MICALL1: variants seen among roughly 807,000 people sequenced by gnomAD.
MICALL1 encodes the protein MICAL-like protein 1.
In MICALL1, 61 loss-of-function variants were observed where a neutral mutation model predicts 83.7. The observed-to-expected ratio is 0.73, with a 90% CI of 0.59 to 0.90. The LOEUF is 0.90. Among genes scored for constraint, MICALL1 ranks in the 40% least tolerant of loss-of-function variants. The probability of loss-of-function intolerance (pLI) is 0.00; values close to 1 mark genes in which losing one functional copy is unlikely to be tolerated. For synonymous variants in MICALL1, 481 were observed against 473.6 expected, an observed-to-expected ratio of 1.02 and a Z score of -0.20; for missense variants, 1,066 against 1,152.0, an observed-to-expected ratio of 0.93 and a Z score of 1.08.
intron 3 of MICALL1, among the ~76,000 whole-genome samples, chr22:37,915,748 C>T (rs778266707): frequency 5.3e-5 from 8 of 150,634 alleles, no homozygotes; most frequent in African/African-American, 2.0e-4. Context: ...CATGTTCAAG[C>T]GATTCTCATG....
intron 13 of MICALL1, among the ~76,000 whole-genome samples, chr22:37,933,359 C>G (rs941941070): frequency 2.6e-5 from 4 of 152,040 alleles, no homozygotes; most frequent in Non-Finnish European, 5.9e-5. Flanking sequence ...TGTGGACGTC[C>G]GAGGGACCAG....
chr22:37,913,415 C>T (rs530634079), intron 3 of MICALL1, among the ~76,000 whole-genome samples: 4 of 152,182 alleles, frequency 2.6e-5, no homozygotes, highest in Non-Finnish European at 5.9e-5. Context: ...CAGCAGGTTG[C>T]GTTCATCCGC....
chr22:37,929,391 T>C (rs1929667104), intron 9 of MICALL1, among the ~76,000 whole-genome samples: 1 of 152,134 alleles, frequency 6.6e-6, no homozygotes, highest in Admixed American at 6.5e-5. Flanking sequence ...GGTGCTATAA[T>C]GTACATGCTG....
At chr22:37,907,208 CCCT>C (rs1182431719) in intron 1 of MICALL1, 2 of 152,752 alleles carry the variant, frequency 1.3e-5, no homozygotes, top group Admixed American at 6.5e-5. Context: ...GGCCCTGCAG[CCCT>C]CCTCAGTGGG....
rs372748591 is a variant in MICALL1 at position 37,937,110 on chromosome 22, G to A, written c.2339G>A (p.Arg780Gln). 63 of 1,551,630 alleles carry A rather than the reference G, an allele frequency of 4.1e-5. No homozygotes were observed. Among genetic ancestry groups the A allele is most frequent in the Middle Eastern group, 3.3e-4 (2 of 5,990 alleles). Reference protein sequence around the residue: ...EKDWTEEDRAREKVLMQELVT... With the variant: ...EKDWTEEDRAQEKVLMQELVT... ...GACTGGACGGAGGAGGACCGGGCCC[G>A]GGAGAAGGTGCTGATGCAGGAGCTT... Residue 780 changes from arginine (R) to glutamine (Q), a missense_variant, in exon 14 of 16, where the codon CGG becomes CAG. By Grantham distance (43) the Arg-to-Gln change is conservative. Coordinates refer to ENST00000215957, the MANE Select transcript of MICALL1 (RefSeq NM_033386.4).
chr22:37,927,630 C>T lies in MICALL1; in HGVS notation c.1685C>T (p.Ser562Phe). The T allele has an allele frequency of 6.2e-7, 1 of 1,614,160 alleles. No homozygotes were observed. Among genetic ancestry groups the T allele is most frequent in the Non-Finnish European group, 8.5e-7 (1 of 1,179,998 alleles). Residue 562 changes from serine (S) to phenylalanine (F), a missense_variant, in exon 9 of 16, where the codon TCC (serine) becomes TTC (phenylalanine). Ser to Phe is a radical substitution (Grantham distance 155, BLOSUM62 -2). Transcript: ENST00000215957. ...CTCTCTACCAACTCCTCCCTGGCCT[C>T]CTCTGGGGAACTAGTGGAGCCTAGA... ...VSLSTNSSLASSGELVEPRVE... is the reference protein window; with the variant it reads ...VSLSTNSSLAFSGELVEPRVE...
chr22:37,934,247 C>T (rs113724542), intron 13 of MICALL1, among the ~76,000 whole-genome samples: 3 of 152,168 alleles, frequency 2.0e-5, no homozygotes, highest in African/African-American at 7.2e-5. Flanking sequence ...TATGAGGCTC[C>T]GAGTACAGTA....
chr22:37,917,161 T>C (rs536403802), intron 3 of MICALL1, among the ~76,000 whole-genome samples: 3 of 152,114 alleles, frequency 2.0e-5, no homozygotes, highest in Non-Finnish European at 4.4e-5. Flanking sequence ...CGTGAGCCAC[T>C]GTGCCCGGCC....
Position 37,930,485 on chromosome 22 carries a change from G to T in MICALL1, c.1882-1314G>T, listed in dbSNP as rs1230506336. On this transcript the variant is annotated intron_variant, in intron 9 of 15. Transcript: ENST00000215957. The surrounding 1 kb of genome is among the most constrained non-coding windows in gnomAD (Gnocchi z 4.8). ...AGCCTCTCTCCCTGGGCTGGCACAG[G>T]CCTCCACCTGCTCCGCAGCTGCCGA... Among the ~76,000 whole-genome samples, 1 of 152,230 alleles carries T rather than the reference G, an allele frequency of 6.6e-6. No individual in the cohort carries two copies. The highest frequency in any genetic ancestry group is 1.5e-5 in the Non-Finnish European group (1 of 68,042).
At chr22:37,931,752 G>A (rs375705432) in intron 9 of MICALL1, 47 bp from the exon 10 acceptor site, 49 of 1,608,974 alleles carry the variant, frequency 3.0e-5, no homozygotes, top group South Asian at 9.9e-5. Context: ...GGGGTCTCAC[G>A]TGCCCTCTTC....
intron 15 of MICALL1, among the ~76,000 whole-genome samples, chr22:37,938,040 T>A (rs1012661856): frequency 1.3e-5 from 2 of 151,990 alleles, no homozygotes; most frequent in Admixed American, 6.6e-5. Context: ...ACGACTGTGG[T>A]ATATGGGAGG....
rs1002322264 is a variant in MICALL1, at chr22:37,924,234, G to A, written c.1025-426G>A. Among the ~76,000 whole-genome samples, 2 of 152,180 alleles carry A rather than the reference G, an allele frequency of 1.3e-5. No individual in the cohort carries two copies. The highest frequency in any genetic ancestry group is 2.9e-5 in the Non-Finnish European group (2 of 68,040). On this transcript the variant is annotated intron_variant, in intron 6 of 15. Transcript: ENST00000215957. This position sits in a 1 kb window ranked among gnomAD's most constrained non-coding sequence, Gnocchi z 5.2. ...CCTTCAGGGTGCTCCCAGTGTTGAGGTGGAGACAGGCACAGATGCAAGGGT... is the reference window on the plus strand; with the variant it reads ...CCTTCAGGGTGCTCCCAGTGTTGAGATGGAGACAGGCACAGATGCAAGGGT...
chr22:37,907,222 G>T, intron 1 of MICALL1: 1 of 152,506 alleles, frequency 6.6e-6, no homozygotes. Context: ...CCTCAGTGGG[G>T]CACGCAGGTG....
intron 14 of MICALL1, among the ~76,000 whole-genome samples, chr22:37,937,418 CTTTTTTTTT>C (rs34844677): frequency 1.8e-5 from 2 of 113,404 alleles, no homozygotes; most frequent in Non-Finnish European, 3.6e-5. Context: ...GCTGCCGCTG[CTTTTTTTTT>C]TTTTTTTTTT....
At position 37,932,598 on chromosome 22, in the gene MICALL1, A is replaced by G; in HGVS notation, c.2062A>G (p.Met688Val). The change falls in exon 11 of 16, where the codon ATG (methionine) becomes GTG (valine). Residue 688 changes from methionine to valine, a missense_variant. By Grantham distance (21) the Met-to-Val change is conservative. Coordinates refer to ENST00000215957, the MANE Select transcript of MICALL1 (RefSeq NM_033386.4). The surrounding 1 kb of genome is among the most constrained non-coding windows in gnomAD (Gnocchi z 4.4). ...CCCTGAGGAGGACATCCATGGAGAG[A>G]TGGATACCATTGAGCGCCGGCTGGA... ...YIPEEDIHGE[M>V]DTIERRLDAL... is the part of the protein sequence containing the mutation. 6.2e-7 allele frequency: 1 copy of G among 1,614,150 alleles called. No homozygotes were observed. Among genetic ancestry groups the G allele is most frequent in the Non-Finnish European group, 8.5e-7 (1 of 1,180,008 alleles).
At chr22:37,936,945 C>T (rs1391553680) in intron 13 of MICALL1, 135 bp from the exon 14 acceptor site, 1 of 667,196 alleles carries the variant, frequency 1.5e-6, no homozygotes, top group Non-Finnish European at 2.5e-6. Flanking sequence ...CGGGGCCCTT[C>T]CTTTCTGCGC....
At chr22:37,937,049 C>G in intron 13 of MICALL1, 31 bp from the exon 14 acceptor site, 1 of 1,535,488 alleles carries the variant, frequency 6.5e-7, no homozygotes, top group African/African-American at 1.4e-5. Flanking sequence ...TTTCCTACCA[C>G]TCATGCCCCC....
intron 9 of MICALL1, among the ~76,000 whole-genome samples, chr22:37,931,576 AG>A (rs1377399050): frequency 6.6e-6 from 1 of 152,146 alleles, no homozygotes; most frequent in East Asian, 1.9e-4. Context: ...AAAAGTATCC[AG>A]TGCAGTAACT....
At chr22:37,935,346 C>T (rs937585647) in intron 13 of MICALL1, among the ~76,000 whole-genome samples, 4 of 151,520 alleles carry the variant, frequency 2.6e-5, no homozygotes, top group South Asian at 2.1e-4. Flanking sequence ...CTGCACGCTC[C>T]GCCTCCTGGG....
Sources: gnomAD v4.1 joint callset for allele counts (sites outside exome capture counted in the v4.1 genomes callset) on GRCh38, gnomAD v4.1.1 for gene constraint, Gnocchi (gnomAD v3.1) non-coding constraint, MANE v1.5 for transcripts, NCBI Gene and HGNC (gene_info 2026-07-23, HGNC 2026-07-21) for gene names.